NFE2L1: variants seen among roughly 807,000 people sequenced by gnomAD.
NFE2L1 encodes NFE2 like bZIP transcription factor 1.
In NFE2L1, 18 loss-of-function variants were observed where a neutral mutation model predicts 61.6. That is an observed-to-expected ratio of 0.29 (90% CI 0.20 to 0.43). The LOEUF is 0.43. Among genes scored for constraint, NFE2L1 ranks in the 20% least tolerant of loss-of-function variants. The pLI is 1.00. For synonymous variants in NFE2L1, 419 were observed against 402.7 expected (o/e 1.04, Z -0.48); for missense variants, 827 against 973.5 (o/e 0.85, Z 2.00).
rs200976085 is a variant in NFE2L1 at position 48,051,660 on chromosome 17, T to C, written c.510+32T>C. On this transcript the variant is annotated intron_variant, in intron 2 of 5. Transcript: ENST00000362042. ...GGACCTGTGGTGGGTGTGTGGGGCC[T>C]GGGGCTTGGGGGTGGGCTGGTCCCA... 3.4e-4 allele frequency: 540 copies of C among 1,574,344 alleles called. 3 individuals carry two copies. The highest frequency in any genetic ancestry group is 5.5e-4 in the Admixed American group (31 of 56,606).
Position 48,050,802 on chromosome 17 carries a change from A to G in NFE2L1, c.-317A>G. ...CTAATGTGAGTGAGGAAGTGACTGTATGTGGACTGTGGAGAAAGTAAGTCA... is the reference window on the plus strand; with the variant it reads ...CTAATGTGAGTGAGGAAGTGACTGTGTGTGGACTGTGGAGAAAGTAAGTCA... On this transcript the variant is annotated 5_prime_UTR_variant, in exon 2 of 6. The change abolishes an upstream ATG in the 5' untranslated region. Transcript: ENST00000362042. 2 of 587,424 alleles carry G rather than the reference A, an allele frequency of 3.4e-6. No individual in the cohort carries two copies. The highest frequency in any genetic ancestry group is 4.3e-5 in the South Asian group (2 of 46,112). The allele number at this position is 587,424 out of a possible 1,614,324, so 36.4% of individuals were successfully genotyped here.
chr17:48,054,763 T>C, intron 2 of NFE2L1: 1 of 1,283,830 alleles, frequency 7.8e-7, no homozygotes, highest in Non-Finnish European at 9.8e-7. Flanking sequence ...GCCTCTGCGG[T>C]GAGCTCAGGG....
At position 48,057,612 on chromosome 17, in the gene NFE2L1, CAT is replaced by C. The variant is rs1199507466; in HGVS notation, c.972+112_972+113del. 8.8e-6 allele frequency: 12 copies of C among 1,368,966 alleles called. No individual in the cohort carries two copies. The Admixed American group carries it at 1.8e-4, about 21-fold the overall frequency. 84.8% of individuals were successfully genotyped at this position (1,368,966 alleles called of 1,614,324 possible). ...AGAAAGTGTAATACTTTCCCTGAAT[CAT>C]AGAGAAGTGGGGACAATGAGAAGAA... is the stretch of plus-strand genomic sequence containing the variant. On this transcript the variant is annotated intron_variant, in intron 5 of 5. Transcript: ENST00000362042.
At position 48,059,524 on chromosome 17, in the gene NFE2L1, G is replaced by T. The variant is rs1330340466; in HGVS notation, c.2202G>T (p.Ser734=). 1.6e-5 allele frequency: 26 copies of T among 1,613,784 alleles called. No individual in the cohort carries two copies. The highest frequency in any genetic ancestry group is 2.2e-5 in the Non-Finnish European group (26 of 1,179,886). ...GAGATGAGAACGGACGACCCTACTC[G>T]CCCAGTCAGTATGCGCTCCAGTACG... The part of the protein sequence containing the change: ...RLRDENGRPY[S]PSQYALQYAG... The change falls in exon 6 of 6, where the codon TCG becomes TCT. Residue 734 remains serine (S), a synonymous_variant. Transcript: ENST00000362042. The surrounding 1 kb of genome is among the most constrained non-coding windows in gnomAD (Gnocchi z 6.1).
chr17:48,055,134 C>G (rs2144372361), intron 2 of NFE2L1: 1 of 1,409,702 alleles, frequency 7.1e-7, no homozygotes, highest in Non-Finnish European at 9.2e-7. Context: ...GCTCCTGGGT[C>G]CAGGGCTTCT....
At chr17:48,054,528 C>G in intron 2 of NFE2L1, 2 of 1,101,080 alleles carry the variant, frequency 1.8e-6, no homozygotes, top group Non-Finnish European at 2.3e-6. Context: ...AGGGGATTGG[C>G]TCTTTGCGCA....
At chr17:48,052,259 G>C (rs2037272037) in intron 2 of NFE2L1, among the ~76,000 whole-genome samples, 1 of 152,180 alleles carries the variant, frequency 6.6e-6, no homozygotes, top group Non-Finnish European at 1.5e-5. Flanking sequence ...AACTTGCTTT[G>C]AGCTGTCAGA....
rs1266007908 is a variant in NFE2L1 at position 48,058,720 on chromosome 17, C to T, written c.1398C>T (p.Ala466=). The change falls in exon 6 of 6, where the codon GCC becomes GCT. Residue 466 remains alanine, a synonymous_variant. Transcript: ENST00000362042. ...AAGAAGGCTTTAACCCTGTGCAGGC[C>T]TCCCAGCTGGAGGAGGAATTTGACT... The part of the protein sequence containing the change: ...AIEEGFNPVQ[A]SQLEEEFDSD... 1.9e-6 allele frequency: 3 copies of T among 1,614,204 alleles called. No individual in the cohort carries two copies. Among genetic ancestry groups the T allele is most frequent in the Non-Finnish European group, 2.5e-6 (3 of 1,180,042 alleles).
At chr17:48,057,863 C>CT (rs1202040592) in intron 5 of NFE2L1, among the ~76,000 whole-genome samples, 1 of 152,182 alleles carries the variant, frequency 6.6e-6, no homozygotes, top group Non-Finnish European at 1.5e-5. Flanking sequence ...TCACTTGGCC[C>CT]TCACAGTCAT....
Position 48,058,789 on chromosome 17 carries a change from C to A in NFE2L1, c.1467C>A (p.Ser489=), listed in dbSNP as rs772389506. The A allele has an allele frequency of 6.2e-7, 1 of 1,614,168 alleles. No individual in the cohort carries two copies. Among genetic ancestry groups the A allele is most frequent in the Non-Finnish European group, 8.5e-7 (1 of 1,180,032 alleles). ...LSLDSSHSPS[S]LSSSEGSSSS... The stretch of plus-strand genomic sequence containing the variant: ...TAGACTCGAGCCATAGCCCTTCTTC[C>A]CTAAGCAGCTCTGAAGGCAGTTCTT... The change falls in exon 6 of 6, where the codon TCC becomes TCA. Residue 489 remains serine, a synonymous_variant. Transcript: ENST00000362042.
rs765302340 is a variant in NFE2L1, at chr17:48,056,552, G to A, written c.677G>A (p.Arg226Gln). 1.4e-5 allele frequency: 23 copies of A among 1,613,802 alleles called. No homozygotes were observed. The Admixed American group carries it at 3.2e-4, about 22-fold the overall frequency. Residue 226 changes from arginine (R) to glutamine (Q), a missense_variant, in exon 3 of 6, where the codon CGG (arginine) becomes CAG (glutamine). Around this residue, in one of 3 missense-constraint regions of NFE2L1, gnomAD observed 667 missense variants for 748.4 expected, o/e 0.89. Coordinates refer to ENST00000362042, the MANE Select transcript of NFE2L1 (RefSeq NM_003204.3). Reference sequence around the variant, plus strand: ...GGCGAGGGCGCGGAAGCTCTGGCACGGAACCTGCTAGTGGATGGAGAGACT... The same window carrying A: ...GGCGAGGGCGCGGAAGCTCTGGCACAGAACCTGCTAGTGGATGGAGAGACT... ...WAGEGAEALA[R>Q]NLLVDGETGE...
rs1170629704 is a variant in NFE2L1 at position 48,060,275 on chromosome 17, CTTGGATATCA to C, written c.*639_*648del. The C allele has an allele frequency of 4.6e-5, 7 of 152,806 alleles. No individual in the cohort carries two copies. Among genetic ancestry groups the C allele is most frequent in the Admixed American group, 3.3e-4 (5 of 15,296 alleles). The allele number at this position is 152,806 out of a possible 1,614,324, so 9.5% of individuals were successfully genotyped here. A position where few individuals can be genotyped will look rare whatever the true frequency, so the allele number is the denominator to read the frequency against. Reference sequence around the variant, plus strand: ...ATTTTGACATCCCTGAAGGGGAGCTCTTGGATATCATTGGCCATGTTTCAATCGAATGGAG... The same window carrying C: ...ATTTTGACATCCCTGAAGGGGAGCTCTTGGCCATGTTTCAATCGAATGGAG... On this transcript the variant is annotated 3_prime_UTR_variant, in exon 6 of 6. Coordinates refer to ENST00000362042, the MANE Select transcript of NFE2L1 (RefSeq NM_003204.3).
rs1382933412 is a variant in NFE2L1 at position 48,051,525 on chromosome 17, C to A, written c.407C>A (p.Pro136Gln). The change falls in exon 2 of 6, where the codon CCA becomes CAA. Residue 136 changes from proline to glutamine, a missense_variant. Physicochemically the swap from Pro to Gln is moderately conservative, Grantham distance 76 (BLOSUM62 -1). This residue lies in a region of NFE2L1 where 667 missense variants were observed against 748.4 expected (regional missense o/e 0.89). Coordinates refer to ENST00000362042, the MANE Select transcript of NFE2L1 (RefSeq NM_003204.3). ...SSSGLQDVTG[P>Q]DNGVRESETE... is the part of the protein sequence containing the mutation. ...AGTGGCCTCCAAGATGTGACAGGCCCAGACAACGGGGTGCGAGAAAGCGAA... is the reference window on the plus strand; with the variant it reads ...AGTGGCCTCCAAGATGTGACAGGCCAAGACAACGGGGTGCGAGAAAGCGAA... 6.2e-7 allele frequency: 1 copy of A among 1,614,140 alleles called. No individual in the cohort carries two copies. The highest frequency in any genetic ancestry group is 2.2e-5 in the East Asian group (1 of 44,876).
chr17:48,050,645 G>A lies in NFE2L1; in HGVS notation c.-474G>A, dbSNP rs2037227015. 2 of 422,056 alleles carry A rather than the reference G, an allele frequency of 4.7e-6. No individual in the cohort carries two copies. Among genetic ancestry groups the A allele is most frequent in the Non-Finnish European group, 4.2e-6 (1 of 238,462 alleles). 26.1% of individuals were successfully genotyped at this position (422,056 alleles called of 1,614,324 possible). On this transcript the variant is annotated 5_prime_UTR_variant, in exon 2 of 6. Transcript: ENST00000362042. The stretch of plus-strand genomic sequence containing the variant: ...CCCCCCTGGTAAGTGTGGAGGAGGC[G>A]GGACACTCTGACCCAAGACGAAAGG...
Position 48,056,413 on chromosome 17 carries a change from C to G in NFE2L1, c.538C>G (p.Arg180Gly). Residue 180 changes from arginine to glycine, a missense_variant, in exon 3 of 6, where the codon CGA becomes GGA. Physicochemically the swap from Arg to Gly is moderately radical, Grantham distance 125. Around this residue, in one of 3 missense-constraint regions of NFE2L1, gnomAD observed 667 missense variants for 748.4 expected, o/e 0.89. Transcript: ENST00000362042. ...EDIDLIDILW[R>G]QDIDLGAGRE... ...CATAGATCTGATTGACATCCTTTGG[C>G]GACAGGATATTGATCTGGGGGCTGG... is the stretch of plus-strand genomic sequence containing the variant. The G allele has an allele frequency of 1.9e-6, 3 of 1,614,114 alleles. No homozygotes were observed. The highest frequency in any genetic ancestry group is 8.5e-7 in the Non-Finnish European group (1 of 1,180,010).
intron 1 of NFE2L1, among the ~76,000 whole-genome samples, chr17:48,050,199 C>T (rs2037213556): frequency 6.6e-6 from 1 of 152,152 alleles, no homozygotes; most frequent in African/African-American, 2.4e-5. Context: ...GGCCTTTAGG[C>T]CAGGCACAGT....
chr17:48,052,769 T>C (rs2037287170), intron 2 of NFE2L1, among the ~76,000 whole-genome samples: 1 of 152,168 alleles, frequency 6.6e-6, no homozygotes, highest in Non-Finnish European at 1.5e-5. Flanking sequence ...GGGTTGCTAC[T>C]GGCACCTAGT....
chr17:48,056,737 GGTCT>G (rs1310448581), intron 3 of NFE2L1, 139 bp downstream of exon 3: 2 of 1,106,798 alleles, frequency 1.8e-6, no homozygotes, highest in Non-Finnish European at 2.5e-6. Flanking sequence ...TTTGGGTTGG[GGTCT>G]GTAAGTCACA....
In NFE2L1 at chr17:48,055,479, G is replaced by A. The variant is rs560620861; in HGVS notation, c.511-907G>A. On this transcript the variant is annotated intron_variant, in intron 2 of 5. Transcript: ENST00000362042. Reference sequence around the variant, plus strand: ...GCCACCAGGGTAGAGCGGGAGGGAAGCATTTTTGGTGCCCAAGGTGGCAGT... The same window carrying A: ...GCCACCAGGGTAGAGCGGGAGGGAAACATTTTTGGTGCCCAAGGTGGCAGT... Among the ~76,000 whole-genome samples the A allele has an allele frequency of 2.2e-4, 33 of 152,190 alleles. 2 individuals are homozygous for A. The South Asian group carries it at 6.4e-3, about 30-fold the overall frequency.
Sources: allele counts gnomAD v4.1 joint callset (sites outside exome capture counted in the v4.1 genomes callset), GRCh38; gene constraint gnomAD v4.1.1; regional missense constraint gnomAD v4.1.1; non-coding constraint Gnocchi (gnomAD v3.1); transcripts MANE v1.5; gene names NCBI Gene and HGNC (gene_info 2026-07-23, HGNC 2026-07-21).